METTL15: variants seen among roughly 807,000 people sequenced by gnomAD.
The protein encoded by METTL15 is methyltransferase 15, mitochondrial 12S rRNA N4-cytidine, also known as 12S rRNA N(4)-cytidine methyltransferase METTL15.
Under a neutral mutation model 38.3 loss-of-function variants are expected in METTL15, and 34 were observed. That is an observed-to-expected ratio of 0.89 (90% CI 0.68 to 1.18). The LOEUF is 1.18. METTL15 is among the 50% of genes most tolerant of loss of function. METTL15 has a pLI of 0.00. For missense variants in METTL15, 438 were observed against 498.4 expected (o/e 0.88, Z 1.15); for synonymous variants, 162 against 170.9 (o/e 0.95, Z 0.41).
intron 3 of METTL15, chr11:28,163,297 A>G (rs1012238462): frequency 5.8e-5 from 23 of 397,534 alleles, no homozygotes; most frequent in Admixed American, 4.0e-4. Flanking sequence ...AAAGTATGGC[A>G]TAAATTCTAA....
chr11:28,376,113 T>G (rs1209923246), intron 5 of METTL15, among the ~76,000 whole-genome samples: 1 of 151,730 alleles, frequency 6.6e-6, no homozygotes, highest in Non-Finnish European at 1.5e-5. Context: ...GGAATAGGTG[T>G]GGTGTGGTGC....
intron 4 of METTL15, among the ~76,000 whole-genome samples, chr11:28,225,295 A>T (rs1393121168): frequency 1.3e-5 from 2 of 151,786 alleles, no homozygotes; most frequent in Non-Finnish European, 3.0e-5. Flanking sequence ...TAATATTTTC[A>T]ATTCCATTTT....
At chr11:28,127,755 A>G (rs1590767869) in intron 3 of METTL15, among the ~76,000 whole-genome samples, 1 of 151,948 alleles carries the variant, frequency 6.6e-6, no homozygotes, top group Non-Finnish European at 1.5e-5. Flanking sequence ...TATAACTATT[A>G]ATCTATATAA....
intron 3 of METTL15, among the ~76,000 whole-genome samples, chr11:28,186,413 T>G (rs1273270297): frequency 6.6e-6 from 1 of 151,352 alleles, no homozygotes; most frequent in East Asian, 1.9e-4. Context: ...TTAATAATCT[T>G]TCTTTACAGC....
chr11:28,504,525 A>T (rs565634252), intron 6 of METTL15, among the ~76,000 whole-genome samples: 93 of 152,316 alleles, frequency 6.1e-4, no homozygotes, highest in Non-Finnish European at 9.8e-4. Context: ...AAGATTTTTT[A>T]AAAAAATATA....
intron 5 of METTL15, among the ~76,000 whole-genome samples, chr11:28,387,409 A>G (rs1464604629): frequency 6.6e-6 from 1 of 152,096 alleles, no homozygotes; most frequent in African/African-American, 2.4e-5. Flanking sequence ...ATATAATAGT[A>G]TGAATAATTG....
chr11:28,303,476 TA>T (rs993591549), intron 6 of METTL15, among the ~76,000 whole-genome samples: 2 of 152,072 alleles, frequency 1.3e-5, no homozygotes, highest in Non-Finnish European at 2.9e-5. Flanking sequence ...AAATAATTGA[TA>T]AAATAGATAA....
intron 4 of METTL15, among the ~76,000 whole-genome samples, chr11:28,267,836 T>G (rs1286812167): frequency 6.6e-6 from 1 of 152,236 alleles, no homozygotes; most frequent in Non-Finnish European, 1.5e-5. Flanking sequence ...GGGAAAAGAA[T>G]AATGCATGTA....
intron 4 of METTL15, among the ~76,000 whole-genome samples, chr11:28,273,248 C>T (rs1399475218): frequency 2.0e-5 from 3 of 152,074 alleles, no homozygotes; most frequent in African/African-American, 7.2e-5. Flanking sequence ...ATCTCAAAAG[C>T]ATCCATTTGT....
intron 3 of METTL15, among the ~76,000 whole-genome samples, chr11:28,178,965 A>G (rs1851180474): frequency 6.6e-6 from 1 of 151,778 alleles, no homozygotes; most frequent in South Asian, 2.1e-4. Context: ...CAGAACTATA[A>G]TGATTGATAC....
At chr11:28,321,852 T>C (rs1398846301) in intron 6 of METTL15, among the ~76,000 whole-genome samples, 1 of 149,272 alleles carries the variant, frequency 6.7e-6, no homozygotes, top group African/African-American at 2.5e-5. Context: ...TGCAGAAAAA[T>C]AGGAGAAACG....
intron 6 of METTL15, 122 bp from the exon 7 acceptor site, chr11:28,330,274 A>T (rs1340693689): frequency 1.0e-5 from 9 of 895,060 alleles, no homozygotes; most frequent in African/African-American, 5.1e-5. Context: ...AAGTGCCACC[A>T]CAATTTTCTA....
At chr11:28,131,374 G>A (rs1277044303) in intron 3 of METTL15, among the ~76,000 whole-genome samples, 1 of 152,080 alleles carries the variant, frequency 6.6e-6, no homozygotes, top group Non-Finnish European at 1.5e-5. Context: ...GGTTTACCTG[G>A]TAGCCTGGTT....
intron 6 of METTL15, among the ~76,000 whole-genome samples, chr11:28,426,117 G>T (rs972696953): frequency 1.3e-5 from 2 of 152,068 alleles, no homozygotes; most frequent in South Asian, 2.1e-4. Context: ...ACTCTGACAG[G>T]CCTCCAGTGT....
intron 6 of METTL15, among the ~76,000 whole-genome samples, chr11:28,311,756 C>CT (rs1337626382): frequency 6.6e-6 from 1 of 152,206 alleles, no homozygotes; most frequent in Non-Finnish European, 1.5e-5. Flanking sequence ...TTTTAGATGT[C>CT]TAGAGATATG....
At chr11:28,139,765 A>C (rs184092154) in intron 3 of METTL15, among the ~76,000 whole-genome samples, 22 of 152,246 alleles carry the variant, frequency 1.4e-4, no homozygotes, top group East Asian at 9.6e-4. Flanking sequence ...AAAAAAAAAA[A>C]CAAAACTCTT....
intron 5 of METTL15, among the ~76,000 whole-genome samples, chr11:28,395,421 T>C (rs1309633010): frequency 1.3e-5 from 2 of 152,102 alleles, no homozygotes; most frequent in Non-Finnish European, 2.9e-5. Flanking sequence ...TTGGTGGACA[T>C]TGTAGGGCAT....
At chr11:28,215,725 A>T (rs925789694) in intron 4 of METTL15, among the ~76,000 whole-genome samples, 3 of 152,152 alleles carry the variant, frequency 2.0e-5, no homozygotes, top group African/African-American at 7.2e-5. Context: ...CTTTTGAGGT[A>T]GAGAGAATTA....
At chr11:28,224,968 AT>A (rs1853413331) in intron 4 of METTL15, among the ~76,000 whole-genome samples, 1 of 151,472 alleles carries the variant, frequency 6.6e-6, no homozygotes, top group Non-Finnish European at 1.5e-5. Context: ...AATCACTTTT[AT>A]TTTTTTAATT....
Sources: allele counts gnomAD v4.1 joint callset (sites outside exome capture counted in the v4.1 genomes callset), GRCh38; gene constraint gnomAD v4.1.1; transcripts MANE v1.5; gene names NCBI Gene and HGNC (gene_info 2026-07-23, HGNC 2026-07-21).